PRMT9: variants seen among roughly 807,000 people sequenced by gnomAD.
The protein encoded by PRMT9 is protein arginine N-methyltransferase 9.
A neutral mutation model predicts 83.2 loss-of-function variants in PRMT9; 59 were observed. The observed-to-expected ratio is 0.71, with a 90% CI of 0.57 to 0.88. The LOEUF (loss-of-function observed/expected upper bound fraction) is 0.88, where lower values mean the gene tolerates loss of function less well. PRMT9 is among the 40% of genes least tolerant of loss of function. The pLI is 0.00. For synonymous variants in PRMT9, 333 were observed against 353.2 expected (o/e 0.94, Z 0.64); for missense variants, 947 against 1,021.9 (o/e 0.93, Z 1.00).
intron 2 of PRMT9, among the ~76,000 whole-genome samples, chr4:147,676,458 T>C (rs1232941205): frequency 2.0e-5 from 3 of 152,154 alleles, no homozygotes; most frequent in Non-Finnish European, 4.4e-5. Flanking sequence ...TCAAACAAAT[T>C]TCATTTAGGT....
intron 9 of PRMT9, among the ~76,000 whole-genome samples, chr4:147,653,140 A>T (rs1361429170): frequency 6.6e-6 from 1 of 152,166 alleles, no homozygotes; most frequent in African/African-American, 2.4e-5. Context: ...ATAAGCATAC[A>T]GACCTATCAT....
chr4:147,651,765 A>G (rs771754816), intron 9 of PRMT9, among the ~76,000 whole-genome samples: 1 of 152,216 alleles, frequency 6.6e-6, no homozygotes, highest in Non-Finnish European at 1.5e-5. Flanking sequence ...TGAGGTCTCA[A>G]GAGTTAGTTA....
chr4:147,663,171 G>A (rs1009617885), intron 6 of PRMT9, among the ~76,000 whole-genome samples: 1 of 151,824 alleles, frequency 6.6e-6, no homozygotes, highest in Non-Finnish European at 1.5e-5. Flanking sequence ...ACCACGCCTG[G>A]CTACTTTTTT....
intron 6 of PRMT9, among the ~76,000 whole-genome samples, chr4:147,664,890 A>G (rs10007255): frequency 0.059 from 8,956 of 151,970 alleles, 867 homozygotes; most frequent in African/African-American, 0.2. Context: ...CGAGGCAAGC[A>G]GATCACCTGA....
intron 9 of PRMT9, among the ~76,000 whole-genome samples, chr4:147,647,582 GT>G (rs1297033074): frequency 2.6e-5 from 4 of 151,692 alleles, no homozygotes; most frequent in Non-Finnish European, 4.4e-5. Flanking sequence ...GAGTGCAGTG[GT>G]ACAATCTCAG....
intron 8 of PRMT9, among the ~76,000 whole-genome samples, chr4:147,656,385 T>C (rs1734486499): frequency 6.6e-6 from 1 of 151,832 alleles, no homozygotes; most frequent in Non-Finnish European, 1.5e-5. Flanking sequence ...CTCAGCCTCC[T>C]GGACTCAAGC....
At chr4:147,653,552 G>T (rs2718453) in intron 9 of PRMT9, among the ~76,000 whole-genome samples, 130,899 of 151,856 alleles carry the variant, frequency 0.86, 58,638 homozygotes, top group Non-Finnish European at 0.98. Context: ...CTAAGGCTGG[G>T]GTTGAGAAAA....
rs200951430 is a variant in PRMT9 at position 147,639,051 on chromosome 4, G to A, written c.2231C>T (p.Ser744Leu). ...CTTGCTTAAAGGTATACAGGGCAAT[G>A]AGGATAGGTCCAAAAATACACGTAT... ...VPIRVFLDLS[S>L]LPCIPLSKPV... The change falls in exon 11 of 12, where the codon TCA becomes TTA. Residue 744 changes from serine to leucine, a missense_variant. By Grantham distance (145) the Ser-to-Leu change is moderately radical. Transcript: ENST00000322396. 145 of 1,613,326 alleles carry A rather than the reference G, an allele frequency of 9.0e-5. 2 individuals carry two copies. The East Asian group carries it at 3.0e-3, about 33-fold the overall frequency.
chr4:147,681,439 C>T (rs924377525), intron 1 of PRMT9, among the ~76,000 whole-genome samples: 1 of 152,094 alleles, frequency 6.6e-6, no homozygotes, highest in Admixed American at 6.6e-5. Context: ...TATACAAAAG[C>T]GTTGATATTT....
At chr4:147,674,274 G>C (rs531303777) in intron 2 of PRMT9, among the ~76,000 whole-genome samples, 1 of 152,196 alleles carries the variant, frequency 6.6e-6, no homozygotes, top group Non-Finnish European at 1.5e-5. Context: ...TAGTCATCAA[G>C]AGTCAGTTGT....
intron 10 of PRMT9, among the ~76,000 whole-genome samples, chr4:147,640,144 C>T (rs1733301280): frequency 7.1e-6 from 1 of 140,698 alleles, no homozygotes; most frequent in Admixed American, 7.8e-5. Flanking sequence ...ACAATCACAG[C>T]TCACTGCAAC....
At chr4:147,660,665 AACCAAGG>A (rs1560985835) in intron 7 of PRMT9, among the ~76,000 whole-genome samples, 174 bp downstream of exon 7, 1 of 152,144 alleles carries the variant, frequency 6.6e-6, no homozygotes, top group Non-Finnish European at 1.5e-5. Context: ...AAAGCAAGGA[AACCAAGG>A]AAGAAAGCAA....
chr4:147,670,822 A>G, intron 4 of PRMT9, 79 bp from the exon 5 acceptor site: 1 of 917,356 alleles, frequency 1.1e-6, no homozygotes, highest in Non-Finnish European at 1.8e-6. Flanking sequence ...GAGAGGAGAA[A>G]GGAAGAGTAT....
intron 8 of PRMT9, among the ~76,000 whole-genome samples, chr4:147,656,103 AG>A (rs1489226966): frequency 5.9e-4 from 90 of 152,332 alleles, no homozygotes; most frequent in Middle Eastern, 3.4e-3. Context: ...AAGGATGGCC[AG>A]GAAGGAATGA....
chr4:147,665,591 T>A (rs899159580), intron 6 of PRMT9, among the ~76,000 whole-genome samples: 7 of 152,192 alleles, frequency 4.6e-5, no homozygotes, highest in African/African-American at 1.7e-4. Context: ...CAGAATCATA[T>A]TGAATCTATT....
intron 8 of PRMT9, among the ~76,000 whole-genome samples, chr4:147,656,512 C>T (rs1381570693): frequency 1.3e-5 from 2 of 151,916 alleles, no homozygotes; most frequent in African/African-American, 4.8e-5. Flanking sequence ...GTGGCTCACA[C>T]CTGTAATGCC....
chr4:147,642,644 T>C (rs1158363056), intron 10 of PRMT9, 143 bp downstream of exon 10: 6 of 741,248 alleles, frequency 8.1e-6, no homozygotes, highest in Non-Finnish European at 1.2e-5. Flanking sequence ...TAGGAACTTA[T>C]TATAGGTAAA....
intron 8 of PRMT9, among the ~76,000 whole-genome samples, chr4:147,656,320 T>C (rs770771138): frequency 2.6e-5 from 4 of 152,112 alleles, no homozygotes; most frequent in Non-Finnish European, 5.9e-5. Flanking sequence ...TGTGTCAGGA[T>C]GTCCCTCTGT....
rs139397245 is a variant in PRMT9, at chr4:147,683,936, C to T, written c.52G>A (p.Ala18Thr). The change falls in exon 1 of 12, where the codon GCA becomes ACA. Residue 18 changes from alanine to threonine, a missense_variant. Transcript: ENST00000322396. ...SRRDAGGGAG[A>T]AGRDELVSRS... ...GACACCAGCTCGTCCCGGCCGGCTG[C>T]CCCAGCGCCACCCCCGGCGTCTCGG... The T allele has an allele frequency of 2.5e-6, 4 of 1,612,980 alleles. No individual in the cohort carries two copies. Among genetic ancestry groups the T allele is most frequent in the African/African-American group, 2.7e-5 (2 of 75,046 alleles).
Sources: gnomAD v4.1 joint callset for allele counts (sites outside exome capture counted in the v4.1 genomes callset) on GRCh38, gnomAD v4.1.1 for gene constraint, MANE v1.5 for transcripts, NCBI Gene and HGNC (gene_info 2026-07-23, HGNC 2026-07-21) for gene names.